KCNT2: variants seen among roughly 807,000 people sequenced by gnomAD.
The protein encoded by KCNT2 is potassium channel subfamily T member 2.
KCNT2 carries 67 observed loss-of-function variants against 153.8 expected under a neutral mutation model. The observed-to-expected ratio is 0.44, with a 90% CI of 0.36 to 0.53. The LOEUF (loss-of-function observed/expected upper bound fraction) is 0.53. KCNT2 is among the 20% of genes least tolerant of loss of function. The probability of loss-of-function intolerance (pLI) is 0.00; values close to 1 mark genes in which losing one functional copy is unlikely to be tolerated. For synonymous variants in KCNT2, 500 were observed against 458.8 expected, an observed-to-expected ratio of 1.09 and a Z score of -1.15; for missense variants, 975 against 1,354.8, an observed-to-expected ratio of 0.72 and a Z score of 4.40.
At chr1:196,468,914 T>A in intron 6 of KCNT2, 80 bp downstream of exon 6, 5 of 793,264 alleles carry the variant, frequency 6.3e-6, no homozygotes, top group Non-Finnish European at 8.4e-6. Context: ...GCTACCATAT[T>A]ATTTAACAGT....
chr1:196,353,962 G>A (rs1419459761), intron 14 of KCNT2, among the ~76,000 whole-genome samples: 1 of 151,746 alleles, frequency 6.6e-6, no homozygotes, highest in Non-Finnish European at 1.5e-5. Context: ...CTTATTTCAG[G>A]ATATGCTGTA....
chr1:196,586,417 G>A (rs1467979910), intron 1 of KCNT2, among the ~76,000 whole-genome samples: 1 of 151,950 alleles, frequency 6.6e-6, no homozygotes, highest in Non-Finnish European at 1.5e-5. Flanking sequence ...AAAACTATCA[G>A]TAATATTATT....
intron 8 of KCNT2, among the ~76,000 whole-genome samples, chr1:196,451,184 T>C (rs898115198): frequency 6.7e-6 from 1 of 150,104 alleles, no homozygotes; most frequent in Non-Finnish European, 1.5e-5. Flanking sequence ...AATATTCGCA[T>C]TGTTAGTGCT....
rs551440406 is a variant in KCNT2, at chr1:196,549,310, G to A, written c.96-56969C>T. 2.0e-4 allele frequency among the ~76,000 whole-genome samples: 30 copies of A among 151,872 alleles called. No homozygotes were observed. The East Asian group carries it at 5.8e-3, about 30-fold the overall frequency. On this transcript the variant is annotated intron_variant, in intron 1 of 27. Transcript: ENST00000294725. ...TATTCCAAAGTGAATTATGATGTGG[G>A]AAACTTCATATGGGAAAAGTAACAC...
intron 1 of KCNT2, among the ~76,000 whole-genome samples, chr1:196,497,873 T>C (rs950870460): frequency 2.2e-4 from 33 of 152,298 alleles, no homozygotes; most frequent in African/African-American, 7.2e-4. Flanking sequence ...CATTTTCCTA[T>C]ACTTTTTCAG....
chr1:196,322,211 CAAT>C (rs1663390658), intron 19 of KCNT2, among the ~76,000 whole-genome samples: 1 of 151,688 alleles, frequency 6.6e-6, no homozygotes, highest in Non-Finnish European at 1.5e-5. Context: ...AAAGTGGTGA[CAAT>C]GATTGACAGA....
intron 22 of KCNT2, among the ~76,000 whole-genome samples, chr1:196,297,177 T>C (rs983460892): frequency 4.6e-5 from 7 of 151,916 alleles, no homozygotes; most frequent in African/African-American, 1.7e-4. Context: ...AAAAGACAAT[T>C]GTTGGACTTC....
intron 1 of KCNT2, among the ~76,000 whole-genome samples, chr1:196,556,968 G>GT (rs1658756302): frequency 6.6e-6 from 1 of 151,214 alleles, no homozygotes; most frequent in Non-Finnish European, 1.5e-5. Context: ...TGGAAGGATG[G>GT]TTACTGGATG....
intron 5 of KCNT2, among the ~76,000 whole-genome samples, chr1:196,470,349 A>G (rs1256357616): frequency 6.6e-6 from 1 of 152,210 alleles, no homozygotes; most frequent in Non-Finnish European, 1.5e-5. Flanking sequence ...AACAGGACAC[A>G]ATCCCTCCTA....
At position 196,348,649 on chromosome 1, in the gene KCNT2, T is replaced by TA. The variant is rs1403964821; in HGVS notation, c.1404-6422dup. Among the ~76,000 whole-genome samples, 8 of 152,210 alleles carry TA rather than the reference T, an allele frequency of 5.3e-5. No homozygotes were observed. The East Asian group carries it at 1.4e-3, about 26-fold the overall frequency. On this transcript the variant is annotated intron_variant, in intron 14 of 27. Transcript: ENST00000294725. ...AATGATCTCGGATTTTAAAAAAAGT[T>TA]AAAAAATAACAGAATATGGAGATGA... is the stretch of plus-strand genomic sequence containing the variant.
intron 24 of KCNT2, among the ~76,000 whole-genome samples, chr1:196,281,666 AAGG>A (rs1659107150): frequency 6.6e-6 from 1 of 152,178 alleles, no homozygotes; most frequent in Non-Finnish European, 1.5e-5. Flanking sequence ...CTATAAAACA[AAGG>A]AGTTAAAAAG....
chr1:196,322,833 A>G (rs1186550555), intron 19 of KCNT2, among the ~76,000 whole-genome samples: 1 of 151,922 alleles, frequency 6.6e-6, no homozygotes, highest in Non-Finnish European at 1.5e-5. Context: ...CTTGCTAGAC[A>G]ATATGAAAGT....
chr1:196,281,925 A>AT (rs1270859811), intron 24 of KCNT2, among the ~76,000 whole-genome samples: 3 of 151,510 alleles, frequency 2.0e-5, no homozygotes, highest in Admixed American at 1.3e-4. Flanking sequence ...AATTTTTTGT[A>AT]TTTTTAGTGG....
chr1:196,484,064 A>G (rs984963757), intron 3 of KCNT2, among the ~76,000 whole-genome samples: 5 of 152,286 alleles, frequency 3.3e-5, no homozygotes, highest in Non-Finnish European at 5.9e-5. Flanking sequence ...GTGGAAAACT[A>G]TGTGCCACAA....
intron 21 of KCNT2, among the ~76,000 whole-genome samples, chr1:196,306,547 T>C (rs1045211613): frequency 2.0e-5 from 3 of 152,092 alleles, no homozygotes; most frequent in Admixed American, 2.0e-4. Context: ...TTGCCAGGAA[T>C]GCTCCCTCCT....
intron 25 of KCNT2, among the ~76,000 whole-genome samples, chr1:196,279,109 C>T (rs1197540749): frequency 6.6e-6 from 1 of 152,146 alleles, no homozygotes. Flanking sequence ...TGTTTACAAG[C>T]CACCCAGTCC....
At chr1:196,598,268 T>G (rs1308236195) in intron 1 of KCNT2, among the ~76,000 whole-genome samples, 1 of 152,180 alleles carries the variant, frequency 6.6e-6, no homozygotes, top group Non-Finnish European at 1.5e-5. Flanking sequence ...CTGTTTTTAT[T>G]TTGTTCCTGG....
At chr1:196,297,017 C>A (rs1162610233) in intron 22 of KCNT2, among the ~76,000 whole-genome samples, 3 of 151,848 alleles carry the variant, frequency 2.0e-5, no homozygotes, top group South Asian at 2.1e-4. Context: ...CCAAAAGTAA[C>A]CTTTGTCATC....
intron 5 of KCNT2, among the ~76,000 whole-genome samples, chr1:196,478,323 T>C (rs1229826614): frequency 1.3e-5 from 2 of 152,212 alleles, no homozygotes; most frequent in East Asian, 1.9e-4. Context: ...CTGAGCTGCA[T>C]AGAGATTCTG....
Sources: allele counts gnomAD v4.1 joint callset (sites outside exome capture counted in the v4.1 genomes callset), GRCh38; gene constraint gnomAD v4.1.1; transcripts MANE v1.5; gene names NCBI Gene and HGNC (gene_info 2026-07-23, HGNC 2026-07-21).